The following GUCY1A2 variants were observed in gnomAD, a reference collection of about 807,000 sequenced individuals.
GUCY1A2 encodes the protein guanylate cyclase soluble subunit alpha-2.
GUCY1A2 carries 27 observed loss-of-function variants against 63.5 expected under a neutral mutation model. The ratio of observed to expected loss-of-function variants is 0.43; its 90% CI spans 0.31 to 0.59. The LOEUF (loss-of-function observed/expected upper bound fraction) is 0.59. GUCY1A2 is among the 20% of genes least tolerant of loss of function. The pLI is 0.11. For missense variants in GUCY1A2, 768 were observed against 913.3 expected (o/e 0.84, Z 2.05); for synonymous variants, 364 against 343.5 (o/e 1.06, Z -0.66).
chr11:107,002,736 T>G (rs2120186445), intron 1 of GUCY1A2, among the ~76,000 whole-genome samples: 1 of 152,326 alleles, frequency 6.6e-6, no homozygotes, highest in African/African-American at 2.4e-5. Context: ...TCAGTGCAGC[T>G]GCCATCATTA....
chr11:106,836,609 A>G (rs1417676374), intron 4 of GUCY1A2, among the ~76,000 whole-genome samples: 1 of 151,986 alleles, frequency 6.6e-6, no homozygotes, highest in African/African-American at 2.4e-5. Flanking sequence ...CAAGAATTAC[A>G]TTATTGCACT....
chr11:106,976,187 C>G (rs1861259438), intron 3 of GUCY1A2, among the ~76,000 whole-genome samples: 1 of 152,102 alleles, frequency 6.6e-6, no homozygotes. Flanking sequence ...CACCAATATT[C>G]TAATCACACT....
chr11:106,698,219 A>C (rs1862756134), intron 7 of GUCY1A2, among the ~76,000 whole-genome samples: 1 of 145,794 alleles, frequency 6.9e-6, no homozygotes, highest in African/African-American at 2.6e-5. Flanking sequence ...TCCTAGGCTT[A>C]AGTGATCCCC....
intron 4 of GUCY1A2, among the ~76,000 whole-genome samples, chr11:106,913,730 T>G (rs1860327579): frequency 6.6e-6 from 1 of 152,020 alleles, no homozygotes; most frequent in Admixed American, 6.6e-5. Flanking sequence ...CTATGTAAAT[T>G]TATAAGCATG....
chr11:106,997,617 A>AGC (rs1861556400), intron 1 of GUCY1A2, among the ~76,000 whole-genome samples: 1 of 119,766 alleles, frequency 8.3e-6, no homozygotes, highest in Non-Finnish European at 1.7e-5. Flanking sequence ...AAGATAGGGA[A>AGC]CCCCCCCCCC....
At chr11:106,739,430 T>C (rs1863650865) in intron 6 of GUCY1A2, among the ~76,000 whole-genome samples, 1 of 152,200 alleles carries the variant, frequency 6.6e-6, no homozygotes, top group African/African-American at 2.4e-5. Flanking sequence ...TGGTCGAACA[T>C]AAAATTAACA....
intron 4 of GUCY1A2, among the ~76,000 whole-genome samples, chr11:106,824,622 GC>G (rs760324321): frequency 6.6e-6 from 1 of 152,058 alleles, no homozygotes; most frequent in Non-Finnish European, 1.5e-5. Context: ...TCACAATGTA[GC>G]CCCTTTTATT....
intron 4 of GUCY1A2, chr11:106,824,261 C>G: frequency 1.5e-6 from 1 of 672,202 alleles, no homozygotes; most frequent in South Asian, 6.0e-5. Flanking sequence ...CTGTCATATT[C>G]CCCTAGGTCC....
At chr11:106,883,583 G>C (rs1859856592) in intron 4 of GUCY1A2, among the ~76,000 whole-genome samples, 1 of 152,044 alleles carries the variant, frequency 6.6e-6, no homozygotes, top group Non-Finnish European at 1.5e-5. Flanking sequence ...ATTCAGGTAA[G>C]GCTTCTCTGA....
chr11:106,776,319 C>T (rs1286757025), intron 6 of GUCY1A2, 120 bp downstream of exon 6: 1 of 732,566 alleles, frequency 1.4e-6, no homozygotes, highest in Non-Finnish European at 2.3e-6. Context: ...CCTTGTCCTC[C>T]TTAAGCACCC....
chr11:106,865,956 A>G (rs1387941337), intron 4 of GUCY1A2, among the ~76,000 whole-genome samples: 1 of 151,846 alleles, frequency 6.6e-6, no homozygotes, highest in African/African-American at 2.4e-5. Context: ...AAACTTCTTG[A>G]GAAAATAAAC....
intron 5 of GUCY1A2, 49 bp from the exon 6 acceptor site, chr11:106,776,631 A>G (rs757647761): frequency 2.0e-5 from 31 of 1,567,982 alleles, no homozygotes; most frequent in Non-Finnish European, 2.6e-5. Context: ...ATGAGCCCAA[A>G]GAGAAATGAT....
chr11:106,826,746 T>A (rs1184704979), intron 4 of GUCY1A2: 2 of 1,610,736 alleles, frequency 1.2e-6, no homozygotes, highest in African/African-American at 1.3e-5. Context: ...CTGCATACCA[T>A]CCCATCTGTC....
intron 4 of GUCY1A2, among the ~76,000 whole-genome samples, chr11:106,908,156 G>T (rs1860239077): frequency 6.6e-6 from 1 of 151,910 alleles, no homozygotes; most frequent in South Asian, 2.1e-4. Flanking sequence ...AATGGCATTG[G>T]GGTCCCTCAT....
At chr11:106,915,302 G>T (rs1030489057) in intron 4 of GUCY1A2, among the ~76,000 whole-genome samples, 1 of 152,102 alleles carries the variant, frequency 6.6e-6, no homozygotes, top group Non-Finnish European at 1.5e-5. Context: ...CAAAGCATAT[G>T]GATAAGTGAC....
intron 4 of GUCY1A2, among the ~76,000 whole-genome samples, chr11:106,877,681 T>C (rs764686242): frequency 4.6e-5 from 7 of 151,960 alleles, no homozygotes; most frequent in Non-Finnish European, 1.0e-4. Context: ...CCCTGGAAGA[T>C]AATTGAGGTA....
At chr11:106,795,413 T>C (rs17106075) in intron 5 of GUCY1A2, among the ~76,000 whole-genome samples, 12,359 of 152,238 alleles carry the variant, frequency 0.081, 580 homozygotes, top group African/African-American at 0.13. Flanking sequence ...GATGACAGCA[T>C]AAAAAGCTAT....
chr11:106,936,353 C>T (rs1360992154), intron 4 of GUCY1A2, among the ~76,000 whole-genome samples: 1 of 152,186 alleles, frequency 6.6e-6, no homozygotes, highest in Non-Finnish European at 1.5e-5. Flanking sequence ...AAGAAATACA[C>T]AGCACAAATT....
chr11:106,805,272 G>A (rs1470334330), intron 5 of GUCY1A2, among the ~76,000 whole-genome samples: 3 of 147,304 alleles, frequency 2.0e-5, no homozygotes, highest in African/African-American at 7.6e-5. Flanking sequence ...TTGAGACGTA[G>A]TCTCACTCTG....
Sources: gnomAD v4.1 joint callset for allele counts (sites outside exome capture counted in the v4.1 genomes callset) on GRCh38, gnomAD v4.1.1 for gene constraint, MANE v1.5 for transcripts, NCBI Gene and HGNC (gene_info 2026-07-23, HGNC 2026-07-21) for gene names.